MAP3K6: variants seen among roughly 807,000 people sequenced by gnomAD.
MAP3K6 encodes the protein mitogen-activated protein kinase kinase kinase 6, also known as apoptosis signal-regulating kinase 2.
A neutral mutation model predicts 147.1 loss-of-function variants in MAP3K6; 105 were observed. The ratio of observed to expected loss-of-function variants is 0.71; its 90% CI spans 0.61 to 0.84. MAP3K6 has a LOEUF of 0.84. Among genes scored for constraint, MAP3K6 ranks in the 40% least tolerant of loss-of-function variants. The pLI, the probability that MAP3K6 is intolerant of heterozygous loss-of-function variation, is 0.00. For synonymous variants in MAP3K6, 695 were observed against 732.4 expected (o/e 0.95, Z 0.82); for missense variants, 1,569 against 1,715.0 (o/e 0.91, Z 1.50).
Position 27,360,639 on chromosome 1 carries a change from G to A in MAP3K6, c.2054+66C>T. 1 of 1,548,732 alleles carries A rather than the reference G, an allele frequency of 6.5e-7. No homozygotes were observed. The highest frequency in any genetic ancestry group is 8.7e-7 in the Non-Finnish European group (1 of 1,150,296). ...AGGCCCCGCCCACAGGAGCCGCTCC[G>A]CTCGTGGCCCGGCTCACTCGGCCCT... On this transcript the variant is annotated intron_variant, in intron 15 of 28. Transcript: ENST00000357582. This position sits in a 1 kb window ranked among gnomAD's most constrained non-coding sequence, Gnocchi z 4.5.
Position 27,364,246 on chromosome 1 carries a change from C to A in MAP3K6, c.653G>T (p.Gly218Val). 1 of 1,613,236 alleles carries A rather than the reference C, an allele frequency of 6.2e-7. No homozygotes were observed. Among genetic ancestry groups the A allele is most frequent in the Non-Finnish European group, 8.5e-7 (1 of 1,179,970 alleles). ...GTEALLTPLV[G>V]RLARLLEATP... ...GGCCTCCAGCAGGCGGGCAAGCCGG[C>A]CCACCAGGGGAGTGAGCAGGGCCTC... The change falls in exon 4 of 29, where the codon GGC (glycine) becomes GTC (valine). Residue 218 changes from glycine to valine, a missense_variant. Coordinates refer to ENST00000357582, the MANE Select transcript of MAP3K6 (RefSeq NM_004672.5). The surrounding 1 kb of genome is among the most constrained non-coding windows in gnomAD (Gnocchi z 4.4).
chr1:27,358,914 G>A lies in MAP3K6; in HGVS notation c.2426-48C>T. On this transcript the variant is annotated intron_variant, in intron 18 of 28. Transcript: ENST00000357582. This position sits in a 1 kb window ranked among gnomAD's most constrained non-coding sequence, Gnocchi z 6.2. ...AATGCCCATCTAGGCTTCATCATGG[G>A]GTTGGAGCAGGGAGGGGAATGCCGT... 6.6e-7 allele frequency: 1 copy of A among 1,522,260 alleles called. No homozygotes were observed. The highest frequency in any genetic ancestry group is 2.3e-5 in the East Asian group (1 of 44,062). 94.3% of individuals were successfully genotyped at this position (1,522,260 alleles called of 1,614,324 possible).
At position 27,357,702 on chromosome 1, in the gene MAP3K6, G is replaced by A. The variant is rs1217762704; in HGVS notation, c.3081+9C>T. 5.0e-6 allele frequency: 8 copies of A among 1,609,050 alleles called. No individual in the cohort carries two copies. Among genetic ancestry groups the A allele is most frequent in the Non-Finnish European group, 6.8e-6 (8 of 1,179,406 alleles). ...CGACCACCAGGGGGCGCTAGAGTGG[G>A]CCGCCCACCTGCTCTTGCTTCTGCT... On this transcript the variant is annotated intron_variant, in intron 22 of 28. Transcript: ENST00000357582.
chr1:27,359,230 T>G lies in MAP3K6; in HGVS notation c.2425+187A>C, dbSNP rs2015653223. Among the ~76,000 whole-genome samples, 1 of 152,148 alleles carries G rather than the reference T, an allele frequency of 6.6e-6. No individual in the cohort carries two copies. The highest frequency in any genetic ancestry group is 1.5e-5 in the Non-Finnish European group (1 of 68,016). ...CACTCCTCAAGTGCTAAAGTCAATT[T>G]CATCACTTCTCCAAGCTCCAGTTCC... On this transcript the variant is annotated intron_variant, in intron 18 of 28. Coordinates refer to ENST00000357582, the MANE Select transcript of MAP3K6 (RefSeq NM_004672.5). This position sits in a 1 kb window ranked among gnomAD's most constrained non-coding sequence, Gnocchi z 4.4.
chr1:27,362,660 G>A lies in MAP3K6; in HGVS notation c.1236C>T (p.Ser412=). Residue 412 remains serine, a synonymous_variant, in exon 8 of 29, where the codon TCC becomes TCT. Coordinates refer to ENST00000357582, the MANE Select transcript of MAP3K6 (RefSeq NM_004672.5). ...GCTCACCTATTAGCCGGAGCTCTTT[G>A]GAATCCTCAAAGTGCTGCCCGGCAG... The part of the protein sequence containing the change: ...LIAAGQHFED[S]KELRLIGMKL... The A allele has an allele frequency of 1.3e-6, 2 of 1,596,876 alleles. No homozygotes were observed. The highest frequency in any genetic ancestry group is 1.7e-6 in the Non-Finnish European group (2 of 1,170,378).
Position 27,357,030 on chromosome 1 carries a change from C to CGGCA in MAP3K6, c.3342_3343insTGCC (p.Ala1115CysfsTer24). 6.2e-7 allele frequency: 1 copy of CGGCA among 1,614,018 alleles called. No homozygotes were observed. Among genetic ancestry groups the CGGCA allele is most frequent in the Non-Finnish European group, 8.5e-7 (1 of 1,180,008 alleles). ...CTACCCGGTCCTAGCACACCCAGGGCTGCCCGCACAGCACGGCTGAGCAGT... is the reference window on the plus strand; with the variant it reads ...CTACCCGGTCCTAGCACACCCAGGGCGGCATGCCCGCACAGCACGGCTGAGCAGT... On this transcript the variant is annotated frameshift_variant, in exon 24 of 29. Transcript: ENST00000357582. LOFTEE classifies it high-confidence loss of function.
At position 27,359,299 on chromosome 1, in the gene MAP3K6, T is replaced by A. The variant is rs572553422; in HGVS notation, c.2425+118A>T. 1 of 1,450,936 alleles carries A rather than the reference T, an allele frequency of 6.9e-7. No homozygotes were observed. Among genetic ancestry groups the A allele is most frequent in the East Asian group, 2.4e-5 (1 of 41,872 alleles). The allele number at this position is 1,450,936 out of a possible 1,614,324, so 89.9% of individuals were successfully genotyped here. On this transcript the variant is annotated intron_variant, in intron 18 of 28. Coordinates refer to ENST00000357582, the MANE Select transcript of MAP3K6 (RefSeq NM_004672.5). This position sits in a 1 kb window ranked among gnomAD's most constrained non-coding sequence, Gnocchi z 4.4. ...CCTGGCCCAATCACTCACCCTGGGT[T>A]TCATTCCCCATTAGGACTCTAACTC...
At chr1:27,357,346 G>C (rs978292550) in intron 23 of MAP3K6, 54 bp downstream of exon 23, 12 of 1,551,958 alleles carry the variant, frequency 7.7e-6, no homozygotes, top group Middle Eastern at 1.7e-4. Context: ...CACCAGGCAC[G>C]GGGAACTCAC....
Position 27,362,237 on chromosome 1 carries a change from G to A in MAP3K6, c.1269C>T (p.Gly423=). The stretch of plus-strand genomic sequence containing the variant: ...CGCAGCCTTTGCGGGCCAGCAGGCA[G>A]CCCAGCTTCATGCCTGGGGGAGAGA... ...KELRLIGMKL[G]CLLARKGCVE... is the part of the protein sequence containing the mutation. Residue 423 remains glycine (G), a synonymous_variant, in exon 9 of 29, where the codon GGC becomes GGT. Transcript: ENST00000357582. The A allele has an allele frequency of 6.2e-7, 1 of 1,611,346 alleles. No homozygotes were observed. The highest frequency in any genetic ancestry group is 1.1e-5 in the South Asian group (1 of 90,814).
chr1:27,355,964 A>T, intron 27 of MAP3K6, 62 bp downstream of exon 27: 1 of 1,477,418 alleles, frequency 6.8e-7, no homozygotes, highest in Non-Finnish European at 9.5e-7. Flanking sequence ...GAGCAGGAAG[A>T]TGGACAGAGA....
At position 27,357,596 on chromosome 1, in the gene MAP3K6, TTGTCAG is replaced by T; in HGVS notation, c.3082-26_3082-21del. Reference sequence around the variant, plus strand: ...GGCCCCCTGAGAAGGAAGAGAGGGGTTGTCAGCGAGTGCTCCAGCCAAAAGAGACGC... The same window carrying T: ...GGCCCCCTGAGAAGGAAGAGAGGGGTCGAGTGCTCCAGCCAAAAGAGACGC... On this transcript the variant is annotated intron_variant, in intron 22 of 28. Transcript: ENST00000357582. 1 of 1,597,892 alleles carries T rather than the reference TTGTCAG, an allele frequency of 6.3e-7. No individual in the cohort carries two copies. The highest frequency in any genetic ancestry group is 8.5e-7 in the Non-Finnish European group (1 of 1,171,100).
chr1:27,358,860 A>G lies in MAP3K6; in HGVS notation c.2432T>C (p.Leu811Pro). Residue 811 changes from leucine (L) to proline (P), a missense_variant, in exon 19 of 29, where the codon CTG (leucine) becomes CCG (proline). Coordinates refer to ENST00000357582, the MANE Select transcript of MAP3K6 (RefSeq NM_004672.5). This position sits in a 1 kb window ranked among gnomAD's most constrained non-coding sequence, Gnocchi z 6.2. ...AATGATTTCTGGGGCCATATACTGC[A>G]GAGTTCCTAGGACAGAAACAGGAGC... ...TPCTETFTGT[L>P]QYMAPEIIDQ... 1 of 1,576,046 alleles carries G rather than the reference A, an allele frequency of 6.3e-7. No homozygotes were observed. Among genetic ancestry groups the G allele is most frequent in the South Asian group, 1.2e-5 (1 of 84,280 alleles).
chr1:27,363,993 T>C lies in MAP3K6; in HGVS notation c.788A>G (p.Gln263Arg), dbSNP rs1203885492. 1.9e-6 allele frequency: 3 copies of C among 1,610,934 alleles called. No individual in the cohort carries two copies. Among genetic ancestry groups the C allele is most frequent in the Admixed American group, 1.7e-5 (1 of 59,976 alleles). Residue 263 changes from glutamine (Q) to arginine (R), a missense_variant, in exon 5 of 29, where the codon CAG (glutamine) becomes CGG (arginine). By Grantham distance (43) the Gln-to-Arg change is conservative. Transcript: ENST00000357582. ...PQLRQELARLQRRLDSVELLS... is the reference protein window; with the variant it reads ...PQLRQELARLRRRLDSVELLS... ...CAGCTCCACGCTGTCCAGTCTCCGC[T>C]GCAGGCGAGCCAGCTCCTGCCGCAG...
Position 27,361,536 on chromosome 1 carries a change from A to G in MAP3K6, c.1670T>C (p.Leu557Pro), listed in dbSNP as rs1367974629. Residue 557 changes from leucine to proline, a missense_variant, in exon 11 of 29, where the codon CTG becomes CCG. Transcript: ENST00000357582. ...CGACTTCACCTGGGTCTCAGGCTCC[A>G]GCAGGCTCAGGGTCACTGTGCTTAC... ...DPVSTVTLSL[L>P]EPETQDIPSS... 4.3e-6 allele frequency: 7 copies of G among 1,614,100 alleles called. No individual in the cohort carries two copies. Among genetic ancestry groups the G allele is most frequent in the Non-Finnish European group, 5.1e-6 (6 of 1,180,048 alleles).
rs778907004 is a variant in MAP3K6 at position 27,360,359 on chromosome 1, C to T, written c.2064G>A (p.Gln688=). 9 of 1,613,506 alleles carry T rather than the reference C, an allele frequency of 5.6e-6. No homozygotes were observed. The highest frequency in any genetic ancestry group is 7.6e-6 in the Non-Finnish European group (9 of 1,179,880). ...GAAGAGCGATCTCTTCATGCAGGGG[C>T]TGAGAGAACCTGAGGGGAGGTAAGG... ...EIPERDSRFS[Q]PLHEEIALHR... is the part of the protein sequence containing the mutation. The change falls in exon 16 of 29, where the codon CAG becomes CAA. Residue 688 remains glutamine (Q), a synonymous_variant. Transcript: ENST00000357582. The surrounding 1 kb of genome is among the most constrained non-coding windows in gnomAD (Gnocchi z 4.5).
At chr1:27,355,578 C>G in intron 28 of MAP3K6, 91 bp downstream of exon 28, 1 of 1,583,520 alleles carries the variant, frequency 6.3e-7, no homozygotes, top group Admixed American at 1.7e-5. Flanking sequence ...CCAGGTGCCC[C>G]TTTGGTTTCC....
Position 27,364,269 on chromosome 1 carries a change from C to T in MAP3K6, c.630G>A (p.Glu210=), listed in dbSNP as rs1325728506. ...GGCCCACCAGGGGAGTGAGCAGGGC[C>T]TCGGTCCCCACTCCAGCCTGTACCA... ...DGLVQAGVGT[E]ALLTPLVGRL... is the part of the protein sequence containing the mutation. The change falls in exon 4 of 29, where the codon GAG becomes GAA. Residue 210 remains glutamate, a synonymous_variant. Transcript: ENST00000357582. This position sits in a 1 kb window ranked among gnomAD's most constrained non-coding sequence, Gnocchi z 4.4. 2.5e-6 allele frequency: 4 copies of T among 1,613,704 alleles called. No homozygotes were observed. The highest frequency in any genetic ancestry group is 2.2e-5 in the East Asian group (1 of 44,892).
chr1:27,363,548 C>T lies in MAP3K6; in HGVS notation c.865G>A (p.Asp289Asn). 1 of 1,606,242 alleles carries T rather than the reference C, an allele frequency of 6.2e-7. No individual in the cohort carries two copies. The highest frequency in any genetic ancestry group is 1.1e-5 in the South Asian group (1 of 90,218). The change falls in exon 6 of 29, where the codon GAC (aspartate) becomes AAC (asparagine). Residue 289 changes from aspartate (D) to asparagine (N), a missense_variant and splice_region_variant. By Grantham distance (23) the Asp-to-Asn change is conservative. Transcript: ENST00000357582. ...NLLLSYRDVQ[D>N]YSAIIELVET... The stretch of plus-strand genomic sequence containing the variant: ...ACCAGCTCAATGATGGCCGAGTAGT[C>T]CTGCATCAGGGAACGGCAAGCACTG...
intron 10 of MAP3K6, 33 bp from the exon 11 acceptor site, chr1:27,361,660 A>T: frequency 6.2e-7 from 1 of 1,614,056 alleles, no homozygotes; most frequent in South Asian, 1.1e-5. Flanking sequence ...GTCAGTCAGA[A>T]GGGGCTTACC....
Sources: gnomAD v4.1 joint callset for allele counts (sites outside exome capture counted in the v4.1 genomes callset) on GRCh38, gnomAD v4.1.1 for gene constraint, Gnocchi (gnomAD v3.1) non-coding constraint, MANE v1.5 for transcripts, NCBI Gene and HGNC (gene_info 2026-07-23, HGNC 2026-07-21) for gene names.